The following ROBO1 variants were observed in gnomAD, a reference collection of about 807,000 sequenced individuals.
ROBO1 encodes roundabout guidance receptor 1, also known as roundabout homolog 1.
Under a neutral mutation model 195.9 loss-of-function variants are expected in ROBO1, and 149 were observed. The ratio of observed to expected loss-of-function variants is 0.76; its 90% CI spans 0.67 to 0.87. The LOEUF is 0.87. ROBO1 is among the 40% of genes least tolerant of loss of function. ROBO1 has a pLI of 0.00. For synonymous variants in ROBO1, 816 were observed against 733.2 expected, an observed-to-expected ratio of 1.11 and a Z score of -1.82; for missense variants, 1,933 against 2,068.3, an observed-to-expected ratio of 0.93 and a Z score of 1.27.
At chr3:79,164,191 A>G (rs1348314874) in intron 2 of ROBO1, among the ~76,000 whole-genome samples, 3 of 152,178 alleles carry the variant, frequency 2.0e-5, no homozygotes, top group Non-Finnish European at 4.4e-5. Context: ...AGAAGCAGCT[A>G]ATAACATAAA....
chr3:79,342,276 G>A lies in ROBO1; in HGVS notation c.89-216737C>T, dbSNP rs147105012. On this transcript the variant is annotated intron_variant, in intron 2 of 30. Transcript: ENST00000464233. ...ATGGCATTTGCAGAAGATTATTTTA[G>A]CAGTCTACAAAGGGATAACTGTAGC... 3.2e-3 allele frequency among the ~76,000 whole-genome samples: 490 copies of A among 152,288 alleles called. 3 individuals are homozygous for A. The highest frequency in any genetic ancestry group is 0.011 in the African/African-American group (454 of 41,558).
At chr3:79,569,395 C>A (rs1943198404) in intron 2 of ROBO1, among the ~76,000 whole-genome samples, 1 of 152,052 alleles carries the variant, frequency 6.6e-6, no homozygotes, top group South Asian at 2.1e-4. Flanking sequence ...TAGCTTGCAC[C>A]TTAGTCAAAT....
chr3:79,261,270 A>G (rs139333922), intron 2 of ROBO1, among the ~76,000 whole-genome samples: 17 of 152,162 alleles, frequency 1.1e-4, no homozygotes, highest in Non-Finnish European at 2.1e-4. Flanking sequence ...ATGTAGAAGA[A>G]CAGCTGTAAA....
chr3:79,351,923 T>C (rs2035359008), intron 2 of ROBO1, among the ~76,000 whole-genome samples: 1 of 152,166 alleles, frequency 6.6e-6, no homozygotes, highest in Non-Finnish European at 1.5e-5. Flanking sequence ...GTGCAACCTG[T>C]TTTTCCAGTA....
At chr3:79,100,294 G>C (rs1167890850) in intron 3 of ROBO1, among the ~76,000 whole-genome samples, 1 of 151,900 alleles carries the variant, frequency 6.6e-6, no homozygotes, top group East Asian at 1.9e-4. Context: ...TTTTGAGATA[G>C]TTATTTCTCT....
rs189970931 is a variant in ROBO1 at position 78,760,349 on chromosome 3, T to A, written c.500-13449A>T. Among the ~76,000 whole-genome samples the A allele has an allele frequency of 4.2e-4, 64 of 152,276 alleles. No homozygotes were observed. The East Asian group carries it at 0.012, about 29-fold the overall frequency. ...GTAAAAACACACTACACTGAAAATTTATGTATAATTTTAGGTAATTATAAA... is the reference window on the plus strand; with the variant it reads ...GTAAAAACACACTACACTGAAAATTAATGTATAATTTTAGGTAATTATAAA... On this transcript the variant is annotated intron_variant, in intron 4 of 30. Transcript: ENST00000464233.
intron 4 of ROBO1, among the ~76,000 whole-genome samples, chr3:78,849,857 C>T (rs1186412927): frequency 3.3e-5 from 5 of 151,842 alleles, no homozygotes; most frequent in Admixed American, 6.6e-5. Context: ...CACACACACA[C>T]ACACACACAC....
intron 3 of ROBO1, among the ~76,000 whole-genome samples, chr3:79,052,751 C>G (rs1302188667): frequency 6.6e-6 from 1 of 152,094 alleles, no homozygotes; most frequent in African/African-American, 2.4e-5. Context: ...TGACATCTGG[C>G]ACCCACATGG....
chr3:79,096,917 T>C (rs1299024137), intron 3 of ROBO1, among the ~76,000 whole-genome samples: 1 of 151,714 alleles, frequency 6.6e-6, no homozygotes, highest in African/African-American at 2.4e-5. Context: ...GGCAGAGCAA[T>C]AGTAAGTTTG....
intron 1 of ROBO1, among the ~76,000 whole-genome samples, chr3:79,636,995 A>G (rs1467469967): frequency 6.6e-6 from 1 of 152,248 alleles, no homozygotes; most frequent in Admixed American, 6.5e-5. Flanking sequence ...ATTAAACATG[A>G]AACAGAAAGG....
At chr3:79,707,275 C>T (rs1029314537) in intron 1 of ROBO1, among the ~76,000 whole-genome samples, 2 of 152,102 alleles carry the variant, frequency 1.3e-5, no homozygotes, top group Admixed American at 6.6e-5. Context: ...TTACCAAATT[C>T]GTGGGCCTAG....
intron 1 of ROBO1, among the ~76,000 whole-genome samples, chr3:79,632,622 T>C (rs892455908): frequency 3.3e-5 from 5 of 152,152 alleles, no homozygotes; most frequent in East Asian, 3.9e-4. Context: ...CCCCTGAATC[T>C]ATTTTTGAAA....
intron 3 of ROBO1, among the ~76,000 whole-genome samples, chr3:79,039,530 G>A (rs1229326747): frequency 6.6e-6 from 1 of 152,110 alleles, no homozygotes; most frequent in Non-Finnish European, 1.5e-5. Context: ...GAGCGCTGTG[G>A]CTCACGCCTG....
chr3:78,649,493 A>G (rs1706514331), intron 19 of ROBO1, among the ~76,000 whole-genome samples: 1 of 152,150 alleles, frequency 6.6e-6, no homozygotes, highest in African/African-American at 2.4e-5. Context: ...GGGAAATGTT[A>G]AATATGCTCA....
intron 1 of ROBO1, among the ~76,000 whole-genome samples, chr3:79,633,101 A>C (rs908862622): frequency 6.6e-6 from 1 of 152,108 alleles, no homozygotes; most frequent in Non-Finnish European, 1.5e-5. Flanking sequence ...ATCAACATGA[A>C]ATTTGGCAGT....
chr3:79,241,185 A>T (rs1476880175), intron 2 of ROBO1, among the ~76,000 whole-genome samples: 1 of 152,160 alleles, frequency 6.6e-6, no homozygotes, highest in Non-Finnish European at 1.5e-5. Context: ...TGTATTTCTC[A>T]TCATTAAACG....
At chr3:79,299,151 T>C (rs1364185999) in intron 2 of ROBO1, among the ~76,000 whole-genome samples, 1 of 152,198 alleles carries the variant, frequency 6.6e-6, no homozygotes, top group African/African-American at 2.4e-5. Flanking sequence ...TGTATTCTTT[T>C]TATCATGAAA....
intron 3 of ROBO1, among the ~76,000 whole-genome samples, chr3:79,102,552 C>T (rs1357050844): frequency 2.0e-5 from 3 of 151,788 alleles, no homozygotes; most frequent in Non-Finnish European, 4.4e-5. Context: ...ACATGAATCA[C>T]TTTTATATGT....
intron 3 of ROBO1, among the ~76,000 whole-genome samples, chr3:79,048,497 A>C (rs2078636587): frequency 6.6e-6 from 1 of 152,112 alleles, no homozygotes; most frequent in Non-Finnish European, 1.5e-5. Context: ...CTTCTCATGG[A>C]ACCCCAAACT....
Sources: allele counts gnomAD v4.1 joint callset (sites outside exome capture counted in the v4.1 genomes callset), GRCh38; gene constraint gnomAD v4.1.1; transcripts MANE v1.5; gene names NCBI Gene and HGNC (gene_info 2026-07-23, HGNC 2026-07-21).